The following FHIT variants were observed in gnomAD, a reference collection of about 807,000 sequenced individuals.
The protein encoded by FHIT is bis(5'-adenosyl)-triphosphatase.
FHIT carries 19 observed loss-of-function variants against 17.9 expected under a neutral mutation model. That is an observed-to-expected ratio of 1.06 (90% CI 0.74 to 1.56). The LOEUF (loss-of-function observed/expected upper bound fraction) is 1.56, where lower values mean the gene tolerates loss of function less well. Among genes scored for constraint, FHIT ranks in the 40% most tolerant of loss-of-function variants. FHIT has a pLI of 0.00. For synonymous variants in FHIT, 81 were observed against 69.7 expected (o/e 1.16, Z -0.81); for missense variants, 248 against 189.2 (o/e 1.31, Z -1.82).
intron 2 of FHIT, chr3:61,167,001 G>A (rs1289249759): frequency 1.3e-5 from 2 of 152,166 alleles, no homozygotes; most frequent in Non-Finnish European, 2.9e-5. Context: ...AGAAGCCCAG[G>A]GAATGACTCC....
At chr3:60,368,083 A>T (rs1240222533) in intron 5 of FHIT, among the ~76,000 whole-genome samples, 2 of 151,986 alleles carry the variant, frequency 1.3e-5, no homozygotes, top group Non-Finnish European at 2.9e-5. Flanking sequence ...GAATCTTTAC[A>T]AGTAAAGTGA....
intron 3 of FHIT, among the ~76,000 whole-genome samples, chr3:60,976,620 T>A (rs778426883): frequency 6.6e-6 from 1 of 152,236 alleles, no homozygotes; most frequent in Non-Finnish European, 1.5e-5. Flanking sequence ...TTCATCACTG[T>A]TTCTGTGAAG....
intron 2 of FHIT, among the ~76,000 whole-genome samples, chr3:61,179,146 A>C (rs1192082327): frequency 6.6e-6 from 1 of 150,782 alleles, no homozygotes. Context: ...AGTAGCTGGG[A>C]CTACACACAT....
At chr3:60,819,356 A>C (rs572410636) in intron 4 of FHIT, among the ~76,000 whole-genome samples, 1 of 152,278 alleles carries the variant, frequency 6.6e-6, no homozygotes, top group Non-Finnish European at 1.5e-5. Context: ...ATAGAACATC[A>C]ATCAATTCTA....
chr3:61,030,592 T>G (rs550438914), intron 3 of FHIT, among the ~76,000 whole-genome samples: 1 of 152,200 alleles, frequency 6.6e-6, no homozygotes, highest in Non-Finnish European at 1.5e-5. Context: ...ATCTTTGTAC[T>G]CACAAAGTTT....
chr3:61,184,316 T>C (rs2038437573), intron 2 of FHIT, among the ~76,000 whole-genome samples: 1 of 152,066 alleles, frequency 6.6e-6, no homozygotes, highest in Non-Finnish European at 1.5e-5. Context: ...TAGACCCCCA[T>C]TCCAAGACAG....
intron 8 of FHIT, among the ~76,000 whole-genome samples, chr3:59,837,500 C>T (rs777737051): frequency 6.6e-6 from 1 of 152,046 alleles, no homozygotes; most frequent in South Asian, 2.1e-4. Flanking sequence ...ATTTCCAATC[C>T]TCCATTGATT....
In FHIT at chr3:61,062,404, C is replaced by T. The variant is rs59745831; in HGVS notation, c.-163-20305G>A. The stretch of plus-strand genomic sequence containing the variant: ...CCAATCTCAAAATATCCTTTTGCCC[C>T]TCCCAAATGACTCTTCTGGAATCAT... On this transcript the variant is annotated intron_variant, in intron 2 of 9. Transcript: ENST00000492590. Among the ~76,000 whole-genome samples the T allele has an allele frequency of 8.9e-3, 1,358 of 152,258 alleles. 14 individuals are homozygous for T. Among genetic ancestry groups the T allele is most frequent in the African/African-American group, 0.03 (1,242 of 41,550 alleles).
chr3:60,075,833 C>A (rs1457761766), intron 5 of FHIT, among the ~76,000 whole-genome samples: 2 of 152,002 alleles, frequency 1.3e-5, no homozygotes, highest in African/African-American at 2.4e-5. Context: ...TGAGTTTATG[C>A]CCTCCCCTGT....
At chr3:60,558,753 G>A (rs989036966) in intron 4 of FHIT, among the ~76,000 whole-genome samples, 2 of 152,110 alleles carry the variant, frequency 1.3e-5, no homozygotes, top group African/African-American at 2.4e-5. Context: ...ACTATGACAT[G>A]TTCTCCTGCA....
chr3:59,813,630 C>G (rs1056253313), intron 8 of FHIT, among the ~76,000 whole-genome samples: 2 of 152,064 alleles, frequency 1.3e-5, no homozygotes, highest in Admixed American at 6.6e-5. Flanking sequence ...GAATTTAACA[C>G]GAGGCAAGAT....
In FHIT at chr3:60,595,565, GTATA is replaced by G. The variant is rs781897930; in HGVS notation, c.-17-58590_-17-58587del. Among the ~76,000 whole-genome samples, 4 of 150,184 alleles carry G rather than the reference GTATA, an allele frequency of 2.7e-5. No individual in the cohort carries two copies. In the South Asian group the frequency reaches 6.3e-4, roughly 24 times the overall value. ...TGTGTGTGTATATATGGACATATGTGTATATATATATACGCACATACGTATGTGT... is the reference window on the plus strand; with the variant it reads ...TGTGTGTGTATATATGGACATATGTGTATATATACGCACATACGTATGTGT... On this transcript the variant is annotated intron_variant, in intron 4 of 9. Transcript: ENST00000492590.
intron 7 of FHIT, among the ~76,000 whole-genome samples, chr3:60,009,045 A>G (rs1020870075): frequency 3.9e-5 from 6 of 152,316 alleles, no homozygotes; most frequent in African/African-American, 1.2e-4. Flanking sequence ...CTGATACCAA[A>G]GTTAATTTTC....
chr3:60,282,125 T>C (rs1389843681), intron 5 of FHIT, among the ~76,000 whole-genome samples: 1 of 152,124 alleles, frequency 6.6e-6, no homozygotes, highest in Non-Finnish European at 1.5e-5. Flanking sequence ...CTAAACATAG[T>C]TTCACCACAG....
rs543286424 is a variant in FHIT, at chr3:60,155,684, T to A, written c.104-141532A>T. On this transcript the variant is annotated intron_variant, in intron 5 of 9. Transcript: ENST00000492590. ...TGGGCTCCTGAATCCAGCAGTCTCC[T>A]GGGTTTTTTTTCTGACATTCATTTA... Among the ~76,000 whole-genome samples, 3 of 152,326 alleles carry A rather than the reference T, an allele frequency of 2.0e-5. No individual in the cohort carries two copies. In the East Asian group the frequency reaches 5.8e-4, roughly 29 times the overall value.
chr3:60,456,865 A>G (rs1006499039), intron 5 of FHIT, among the ~76,000 whole-genome samples: 1 of 152,172 alleles, frequency 6.6e-6, no homozygotes, highest in African/African-American at 2.4e-5. Flanking sequence ...TAGGAATCCA[A>G]TTTACAAGAG....
chr3:60,686,633 A>G (rs2040868325), intron 4 of FHIT, among the ~76,000 whole-genome samples: 1 of 152,056 alleles, frequency 6.6e-6, no homozygotes, highest in African/African-American at 2.4e-5. Context: ...CTGCCTGTGT[A>G]TGTATATTCC....
chr3:60,372,965 G>A (rs564866035), intron 5 of FHIT, among the ~76,000 whole-genome samples: 19 of 152,068 alleles, frequency 1.2e-4, no homozygotes, highest in Non-Finnish European at 2.5e-4. Flanking sequence ...TCAAATGAAG[G>A]ACTCATTTCT....
intron 5 of FHIT, among the ~76,000 whole-genome samples, chr3:60,204,056 G>A (rs1703042318): frequency 6.6e-6 from 1 of 152,094 alleles, no homozygotes; most frequent in African/African-American, 2.4e-5. Context: ...TAATTTAATT[G>A]TACATTTTAA....
Sources: gnomAD v4.1 joint callset for allele counts (sites outside exome capture counted in the v4.1 genomes callset) on GRCh38, gnomAD v4.1.1 for gene constraint, MANE v1.5 for transcripts, NCBI Gene and HGNC (gene_info 2026-07-23, HGNC 2026-07-21) for gene names.